LDLRAD3: variants seen among roughly 807,000 people sequenced by gnomAD.
The protein encoded by LDLRAD3 is low-density lipoprotein receptor class A domain-containing protein 3.
Under a neutral mutation model 29.4 loss-of-function variants are expected in LDLRAD3, and 20 were observed. That is an observed-to-expected ratio of 0.68 (90% CI 0.48 to 0.99). LDLRAD3 has a LOEUF of 0.99. Among genes scored for constraint, LDLRAD3 ranks in the 50% least tolerant of loss-of-function variants. The pLI is 0.00. For missense variants in LDLRAD3, 420 were observed against 454.3 expected, an observed-to-expected ratio of 0.92 and a Z score of 0.69; for synonymous variants, 157 against 192.7, an observed-to-expected ratio of 0.81 and a Z score of 1.53.
Position 35,947,697 on chromosome 11 carries a change from T to C in LDLRAD3, c.46+3553T>C, listed in dbSNP as rs375275000. ...AAATCATTGTATGGTTCAGGAGAGA[T>C]TGATAATACCCAGGGTACCACAGTA... On this transcript the variant is annotated intron_variant, in intron 1 of 5. Coordinates refer to ENST00000315571, the MANE Select transcript of LDLRAD3 (RefSeq NM_174902.4). Among the ~76,000 whole-genome samples the C allele has an allele frequency of 1.1e-4, 16 of 152,212 alleles. No individual in the cohort carries two copies. The South Asian group carries it at 1.9e-3, about 18-fold the overall frequency.
At chr11:36,105,390 A>G (rs7928398) in intron 4 of LDLRAD3, among the ~76,000 whole-genome samples, 63,449 of 151,558 alleles carry the variant, frequency 0.42, 13,637 homozygotes, top group East Asian at 0.71. Context: ...GCATGCAGGG[A>G]TATAGAAGTG....
intron 4 of LDLRAD3, among the ~76,000 whole-genome samples, chr11:36,150,378 A>G (rs1854260481): frequency 6.6e-6 from 1 of 152,070 alleles, no homozygotes. Context: ...AAAATTAAAA[A>G]TTAGCCAGGC....
intron 4 of LDLRAD3, among the ~76,000 whole-genome samples, chr11:36,172,047 A>G (rs1165115216): frequency 6.6e-6 from 1 of 152,050 alleles, no homozygotes; most frequent in East Asian, 1.9e-4. Flanking sequence ...TTGGTTAGGT[A>G]TATTCCTAAG....
At chr11:35,977,992 A>C (rs1465162273) in intron 1 of LDLRAD3, among the ~76,000 whole-genome samples, 1 of 152,188 alleles carries the variant, frequency 6.6e-6, no homozygotes, top group African/African-American at 2.4e-5. Flanking sequence ...TGGTGGTTTC[A>C]AACCTGAGCC....
At chr11:36,129,781 C>T in intron 4 of LDLRAD3, among the ~76,000 whole-genome samples, 1 of 152,216 alleles carries the variant, frequency 6.6e-6, no homozygotes. Flanking sequence ...CTCCCCAATC[C>T]ACCCACCTCC....
chr11:36,008,350 C>G (rs1421983501), intron 1 of LDLRAD3, among the ~76,000 whole-genome samples: 2 of 152,118 alleles, frequency 1.3e-5, no homozygotes, highest in African/African-American at 4.8e-5. Flanking sequence ...CAAGGAAAGC[C>G]TCCTCCATCC....
At chr11:36,098,077 A>T (rs1264982844) in intron 3 of LDLRAD3, among the ~76,000 whole-genome samples, 5 of 152,256 alleles carry the variant, frequency 3.3e-5, no homozygotes, top group Non-Finnish European at 7.3e-5. Flanking sequence ...ATATTCAGTT[A>T]TTAAGCAGAC....
chr11:36,019,855 T>C (rs1590209753), intron 1 of LDLRAD3, among the ~76,000 whole-genome samples: 1 of 152,214 alleles, frequency 6.6e-6, no homozygotes, highest in East Asian at 1.9e-4. Flanking sequence ...TGAGAGGCGG[T>C]CTGCCACCCA....
At chr11:35,948,957 C>A (rs1851096026) in intron 1 of LDLRAD3, among the ~76,000 whole-genome samples, 1 of 152,046 alleles carries the variant, frequency 6.6e-6, no homozygotes, top group Non-Finnish European at 1.5e-5. Flanking sequence ...GTTGAGAACC[C>A]CTGGTCTAGC....
In LDLRAD3 at chr11:36,172,812, G is replaced by T. The variant is rs144092647; in HGVS notation, c.455-54273G>T. Among the ~76,000 whole-genome samples the T allele has an allele frequency of 4.3e-4, 66 of 152,190 alleles. 1 individual carries two copies. The East Asian group carries it at 0.013, about 29-fold the overall frequency. On this transcript the variant is annotated intron_variant, in intron 4 of 5. Transcript: ENST00000315571. ...TATTTTTTGGTTATGTCCTTTCCTG[G>T]TTTTGGTGTTAGGGTGATACTGGCT...
intron 4 of LDLRAD3, among the ~76,000 whole-genome samples, chr11:36,103,743 G>A (rs984508652): frequency 6.6e-6 from 1 of 152,168 alleles, no homozygotes; most frequent in Non-Finnish European, 1.5e-5. Flanking sequence ...AAGTCCCTCT[G>A]TAGGCCGTTT....
At position 36,145,978 on chromosome 11, in the gene LDLRAD3, C is replaced by T. The variant is rs186042003; in HGVS notation, c.454+47517C>T. ...TGTGACCCTGCTAAATCTCCCTCTGCGAGAAACACCCAAGAATGATCAATA... is the reference window on the plus strand; with the variant it reads ...TGTGACCCTGCTAAATCTCCCTCTGTGAGAAACACCCAAGAATGATCAATA... On this transcript the variant is annotated intron_variant, in intron 4 of 5. Transcript: ENST00000315571. Among the ~76,000 whole-genome samples, 865 of 142,348 alleles carry T rather than the reference C, an allele frequency of 6.1e-3. 5 individuals are homozygous for T. Among genetic ancestry groups the T allele is most frequent in the Admixed American group, 9.1e-3 (128 of 14,060 alleles). 93.4% of individuals were successfully genotyped at this position (142,348 alleles called of 152,430 possible). A position where few individuals can be genotyped will look rare whatever the true frequency, so the allele number is the denominator to read the frequency against.
intron 2 of LDLRAD3, among the ~76,000 whole-genome samples, chr11:36,041,451 T>C (rs965397480): frequency 6.6e-6 from 1 of 152,220 alleles, no homozygotes. Context: ...CCTGCTGAAA[T>C]GGAATCTTAC....
chr11:36,030,267 T>G (rs1205427941), intron 1 of LDLRAD3, among the ~76,000 whole-genome samples: 1 of 152,214 alleles, frequency 6.6e-6, no homozygotes, highest in Non-Finnish European at 1.5e-5. Context: ...AGCAGTTTGA[T>G]GGGAACCGAA....
chr11:36,175,068 G>A (rs370870786), intron 4 of LDLRAD3, among the ~76,000 whole-genome samples: 7 of 152,180 alleles, frequency 4.6e-5, no homozygotes, highest in East Asian at 3.9e-4. Flanking sequence ...GGAGAAATAC[G>A]AACATTTTTA....
At chr11:35,975,667 A>G (rs1411618806) in intron 1 of LDLRAD3, among the ~76,000 whole-genome samples, 1 of 152,120 alleles carries the variant, frequency 6.6e-6, no homozygotes, top group Admixed American at 6.5e-5. Context: ...GAAATAACAA[A>G]CAGTATAGGC....
rs921452078 is a variant in LDLRAD3, at chr11:35,944,644, A to T, written c.46+500A>T. The stretch of plus-strand genomic sequence containing the variant: ...GTTTCCCCACCTGCACCGCGGAGGG[A>T]GTAGCAAAGCTGCTTCCTTTCATTC... On this transcript the variant is annotated intron_variant, in intron 1 of 5. Transcript: ENST00000315571. This position sits in a 1 kb window ranked among gnomAD's most constrained non-coding sequence, Gnocchi z 4.9. Among the ~76,000 whole-genome samples the T allele has an allele frequency of 1.3e-5, 2 of 152,026 alleles. No individual in the cohort carries two copies. Among genetic ancestry groups the T allele is most frequent in the African/African-American group, 4.8e-5 (2 of 41,404 alleles).
intron 4 of LDLRAD3, among the ~76,000 whole-genome samples, chr11:36,136,695 C>A (rs533530629): frequency 1.3e-5 from 2 of 150,846 alleles, no homozygotes; most frequent in East Asian, 2.1e-4. Flanking sequence ...GCCAACTAAT[C>A]CTCTTTTTTT....
At chr11:36,220,839 C>T (rs1855416508) in intron 4 of LDLRAD3, among the ~76,000 whole-genome samples, 1 of 152,054 alleles carries the variant, frequency 6.6e-6, no homozygotes, top group African/African-American at 2.4e-5. Flanking sequence ...TTCATTTTGT[C>T]AGAATTCATC....
Sources: gnomAD v4.1 joint callset for allele counts (sites outside exome capture counted in the v4.1 genomes callset) on GRCh38, gnomAD v4.1.1 for gene constraint, Gnocchi (gnomAD v3.1) non-coding constraint, MANE v1.5 for transcripts, NCBI Gene and HGNC (gene_info 2026-07-23, HGNC 2026-07-21) for gene names.